AGMO: variants seen among roughly 807,000 people sequenced by gnomAD.
AGMO encodes glyceryl-ether monooxygenase.
Under a neutral mutation model 60.2 loss-of-function variants are expected in AGMO, and 75 were observed. That is an observed-to-expected ratio of 1.25 (90% CI 1.03 to 1.51). The LOEUF (loss-of-function observed/expected upper bound fraction) is 1.51. Ranked by LOEUF, AGMO falls within the 40% of genes most tolerant of loss-of-function variation. AGMO has a pLI of 0.00. For synonymous variants in AGMO, 261 were observed against 177.1 expected, an observed-to-expected ratio of 1.47 and a Z score of -3.76; for missense variants, 763 against 525.5, an observed-to-expected ratio of 1.45 and a Z score of -4.42.
intron 4 of AGMO, among the ~76,000 whole-genome samples, chr7:15,426,770 G>A (rs1482129888): frequency 6.6e-6 from 1 of 151,802 alleles, no homozygotes; most frequent in Admixed American, 6.6e-5. Flanking sequence ...TTTTTTGGAA[G>A]GATAGAACAA....
the AGMO span, among the ~76,000 whole-genome samples, chr7:15,187,907 G>GC: frequency 4.6e-5 from 7 of 151,734 alleles, no homozygotes; most frequent in African/African-American, 7.3e-5. Context: ...ACTCCCCCCC[G>GC]ACTGCCCATG....
intron 5 of AGMO, among the ~76,000 whole-genome samples, chr7:15,417,768 T>C (rs1221720959): frequency 6.6e-6 from 1 of 152,184 alleles, no homozygotes; most frequent in Non-Finnish European, 1.5e-5. Flanking sequence ...ATTTCACATA[T>C]AATGCAGCTG....
At chr7:15,339,433 AGT>A (rs1330686751) in intron 12 of AGMO, among the ~76,000 whole-genome samples, 2 of 152,180 alleles carry the variant, frequency 1.3e-5, no homozygotes, top group Non-Finnish European at 2.9e-5. Context: ...CTGCATATAC[AGT>A]GTGATTATGC....
chr7:15,159,302 C>T, the AGMO span, among the ~76,000 whole-genome samples: 1 of 152,102 alleles, frequency 6.6e-6, no homozygotes, highest in Non-Finnish European at 1.5e-5. Flanking sequence ...TTGAAATAAA[C>T]TTTTCAAATA....
chr7:15,274,327 AG>A (rs1755004933), intron 12 of AGMO, among the ~76,000 whole-genome samples: 1 of 152,194 alleles, frequency 6.6e-6, no homozygotes, highest in Admixed American at 6.5e-5. Context: ...TTTAGCATGA[AG>A]GGCTGTTGAA....
At chr7:15,167,680 T>C in the AGMO span, among the ~76,000 whole-genome samples, 8 of 152,218 alleles carry the variant, frequency 5.3e-5, no homozygotes, top group Non-Finnish European at 7.3e-5. Context: ...TTTCAACCAC[T>C]TTAGAAGCCT....
intron 3 of AGMO, among the ~76,000 whole-genome samples, chr7:15,532,524 T>C (rs1784395141): frequency 6.6e-6 from 1 of 152,182 alleles, no homozygotes; most frequent in Admixed American, 6.6e-5. Context: ...AGTAAGAACC[T>C]AGTAAATACT....
In AGMO at chr7:15,247,455, C is replaced by CAGAG. The variant is rs1201390163; in HGVS notation, c.1264-46097_1264-46096insCTCT. Among the ~76,000 whole-genome samples, 191 of 120,268 alleles carry CAGAG rather than the reference C, an allele frequency of 1.6e-3. 2 individuals carry two copies. The highest frequency in any genetic ancestry group is 5.9e-3 in the African/African-American group (171 of 28,886). The allele number at this position is 120,268 out of a possible 152,430, so 78.9% of individuals were successfully genotyped here. On this transcript the variant is annotated intron_variant, in intron 12 of 12. Coordinates refer to ENST00000342526, the MANE Select transcript of AGMO (RefSeq NM_001004320.2). Reference sequence around the variant, plus strand: ...ACACACACACACACACACACACACACACACAGAGAGAGAGAGAGAGAGAGG... The same window carrying CAGAG: ...ACACACACACACACACACACACACACAGAGACACAGAGAGAGAGAGAGAGAGAGG...
At chr7:15,177,550 G>A in the AGMO span, among the ~76,000 whole-genome samples, 24 of 152,088 alleles carry the variant, frequency 1.6e-4, no homozygotes, top group East Asian at 2.3e-3. Context: ...TCTTCTGGTA[G>A]GAAAGTAACA....
chr7:15,550,236 C>T (rs986483509), intron 2 of AGMO, among the ~76,000 whole-genome samples: 19 of 150,664 alleles, frequency 1.3e-4, no homozygotes, highest in Non-Finnish European at 2.4e-4. Context: ...AATTGACACC[C>T]TAACATCACA....
At chr7:15,366,400 T>TC (rs1197133143) in intron 10 of AGMO, among the ~76,000 whole-genome samples, 178 bp from the exon 11 acceptor site, 1 of 152,164 alleles carries the variant, frequency 6.6e-6, no homozygotes, top group Non-Finnish European at 1.5e-5. Flanking sequence ...GTCTTTCAGT[T>TC]CCTTGTTGGA....
the AGMO span, among the ~76,000 whole-genome samples, chr7:15,121,000 G>A: frequency 3.9e-4 from 59 of 152,088 alleles, no homozygotes; most frequent in Admixed American, 3.1e-3. Context: ...AGGCCACCGT[G>A]TGTGATGTTC....
intron 12 of AGMO, among the ~76,000 whole-genome samples, chr7:15,299,187 T>G (rs1413055537): frequency 2.6e-5 from 4 of 152,236 alleles, no homozygotes; most frequent in Non-Finnish European, 5.9e-5. Context: ...CTGAACAAGT[T>G]AACCTCACTA....
chr7:15,382,169 A>G (rs1289801292), intron 10 of AGMO, among the ~76,000 whole-genome samples: 2 of 152,176 alleles, frequency 1.3e-5, no homozygotes, highest in Admixed American at 6.5e-5. Flanking sequence ...AACTTAAAAT[A>G]AAAGTTTAAA....
At chr7:15,299,886 C>CACACA (rs774065679) in intron 12 of AGMO, among the ~76,000 whole-genome samples, 29 of 114,640 alleles carry the variant, frequency 2.5e-4, no homozygotes, top group South Asian at 6.1e-4. Context: ...CACACACACA[C>CACACA]AGTATGTTTT....
the AGMO span, among the ~76,000 whole-genome samples, chr7:15,167,470 C>CA: frequency 6.6e-5 from 10 of 152,200 alleles, no homozygotes; most frequent in East Asian, 1.9e-3. Flanking sequence ...TAGACTGCAA[C>CA]AAAAAACCAG....
At chr7:15,546,642 T>G (rs1408285960) in intron 2 of AGMO, among the ~76,000 whole-genome samples, 2 of 152,202 alleles carry the variant, frequency 1.3e-5, no homozygotes, top group Non-Finnish European at 2.9e-5. Context: ...CACAGGTGTG[T>G]GAGGTCCCTC....
At chr7:15,444,739 C>T (rs909190725) in intron 3 of AGMO, among the ~76,000 whole-genome samples, 13 of 152,180 alleles carry the variant, frequency 8.5e-5, no homozygotes, top group African/African-American at 2.2e-4. Context: ...TGTCCTATCA[C>T]CTACAATGAC....
In AGMO at chr7:15,272,739, G is replaced by C. The variant is rs557259642; in HGVS notation, c.1264-71380C>G. On this transcript the variant is annotated intron_variant, in intron 12 of 12. Coordinates refer to ENST00000342526, the MANE Select transcript of AGMO (RefSeq NM_001004320.2). ...CACAATGGTTGAACTAGTTTACAGT[G>C]CCACCAACAGTGTAAAAGTGTTCCT... Among the ~76,000 whole-genome samples the C allele has an allele frequency of 1.2e-3, 187 of 152,190 alleles. 1 individual carries two copies. Among genetic ancestry groups the C allele is most frequent in the Middle Eastern group, 6.8e-3 (2 of 294 alleles).
Sources: gnomAD v4.1 joint callset for allele counts (sites outside exome capture counted in the v4.1 genomes callset) on GRCh38, gnomAD v4.1.1 for gene constraint, MANE v1.5 for transcripts, NCBI Gene and HGNC (gene_info 2026-07-23, HGNC 2026-07-21) for gene names.